Variants in IRX1 observed in about 807,000 individuals in gnomAD.
The protein encoded by IRX1 is iroquois homeobox 1.
Under a neutral mutation model 34.1 loss-of-function variants are expected in IRX1, and 22 were observed. The observed-to-expected ratio is 0.64, with a 90% confidence interval of 0.46 to 0.92. The LOEUF (loss-of-function observed/expected upper bound fraction) is 0.92, where lower values mean the gene tolerates loss of function less well. Ranked by LOEUF, IRX1 falls within the 40% of genes least tolerant of loss-of-function variation. IRX1 has a pLI of 0.00. For missense variants in IRX1, 758 were observed against 680.0 expected (o/e 1.11, Z -1.28); for synonymous variants, 363 against 319.0 (o/e 1.14, Z -1.47).
At chr5:3,596,950 C>G (rs550558834) in intron 1 of IRX1, among the ~76,000 whole-genome samples, 1 of 152,146 alleles carries the variant, frequency 6.6e-6, no homozygotes, top group South Asian at 2.1e-4. Flanking sequence ...AATAGAGGTC[C>G]AAAGGGATGG....
Position 3,596,228 on chromosome 5 carries a change from C to T in IRX1, c.123C>T (p.Gly41=), listed in dbSNP as rs1345038693. The T allele has an allele frequency of 5.3e-6, 6 of 1,133,972 alleles. No homozygotes were observed. Among genetic ancestry groups the T allele is most frequent in the African/African-American group, 1.7e-5 (1 of 60,508 alleles). The allele number at this position is 1,133,972 out of a possible 1,614,324, so 70.2% of individuals were successfully genotyped here. The part of the protein sequence containing the change: ...AAAAAAAASS[G]RPGAAELGGG... ...CGGCGGCTGCCGCCGCCTCGTCGGGCCGACCGGGGGCCGCGGAGCTGGGCG... is the reference window on the plus strand; with the variant it reads ...CGGCGGCTGCCGCCGCCTCGTCGGGTCGACCGGGGGCCGCGGAGCTGGGCG... The change falls in exon 1 of 4, where the codon GGC becomes GGT. Residue 41 remains glycine, a synonymous_variant. Transcript: ENST00000302006.
chr5:3,599,417 A>G lies in IRX1; in HGVS notation c.469A>G (p.Lys157Glu). 6.2e-7 allele frequency: 1 copy of G among 1,613,972 alleles called. No homozygotes were observed. Among genetic ancestry groups the G allele is most frequent in the Non-Finnish European group, 8.5e-7 (1 of 1,180,000 alleles). ...NEHRKNPYPT[K>E]GEKIMLAIIT... ...GCACCGCAAGAATCCCTACCCCACC[A>G]AGGGCGAGAAGATCATGCTGGCCAT... is the stretch of plus-strand genomic sequence containing the variant. The change falls in exon 2 of 4, where the codon AAG becomes GAG. Residue 157 changes from lysine to glutamate, a missense_variant. Transcript: ENST00000302006. The surrounding 1 kb of genome is among the most constrained non-coding windows in gnomAD (Gnocchi z 6.6).
chr5:3,599,543 G>A lies in IRX1; in HGVS notation c.595G>A (p.Asp199Asn). 7 of 1,614,162 alleles carry A rather than the reference G, an allele frequency of 4.3e-6. No homozygotes were observed. Among genetic ancestry groups the A allele is most frequent in the Non-Finnish European group, 5.1e-6 (6 of 1,180,044 alleles). ...GGTGACATGGGGAGCGCGCAGCAAG[G>A]ACCAGGAAGATGGAGCGCTCTTCGG... Reference protein sequence around the residue: ...NKVTWGARSKDQEDGALFGSD... With the variant: ...NKVTWGARSKNQEDGALFGSD... The change falls in exon 2 of 4, where the codon GAC becomes AAC. Residue 199 changes from aspartate to asparagine, a missense_variant. This residue lies in a region of IRX1 where 529 missense variants were observed against 418.8 expected (regional missense o/e 1.26). Coordinates refer to ENST00000302006, the MANE Select transcript of IRX1 (RefSeq NM_024337.4). The surrounding 1 kb of genome is among the most constrained non-coding windows in gnomAD (Gnocchi z 6.6).
In IRX1 at chr5:3,596,336, C is replaced by G; in HGVS notation, c.231C>G (p.Ser77Arg). Residue 77 changes from serine to arginine, a missense_variant, in exon 1 of 4, where the codon AGC becomes AGG. By Grantham distance (110) the Ser-to-Arg change is moderately radical. Around this residue, in one of 3 missense-constraint regions of IRX1, gnomAD observed 195 missense variants for 195.0 expected, o/e 1.00. Transcript: ENST00000302006. Reference sequence around the variant, plus strand: ...CGTACGCGGGCGCGCCCAACTACAGCGCCTTCCTGCCCTACGCCGCGGATC... The same window carrying G: ...CGTACGCGGGCGCGCCCAACTACAGGGCCTTCCTGCCCTACGCCGCGGATC... ...AGPYAGAPNYSAFLPYAADLS... is the reference protein window; with the variant it reads ...AGPYAGAPNYRAFLPYAADLS... 1.3e-6 allele frequency: 2 copies of G among 1,529,360 alleles called. No individual in the cohort carries two copies. The highest frequency in any genetic ancestry group is 1.8e-6 in the Non-Finnish European group (2 of 1,142,794). The allele number at this position is 1,529,360 out of a possible 1,614,324, so 94.7% of individuals were successfully genotyped here. A position where few individuals can be genotyped will look rare whatever the true frequency, so the allele number is the denominator to read the frequency against.
intron 1 of IRX1, among the ~76,000 whole-genome samples, chr5:3,598,207 C>A (rs1733841773): frequency 6.6e-6 from 1 of 152,168 alleles, no homozygotes; most frequent in African/African-American, 2.4e-5. Flanking sequence ...TCTGTCTGCG[C>A]AATTTATGGT....
chr5:3,596,075 G>T lies in IRX1; in HGVS notation c.-31G>T, dbSNP rs1355747484. 3.3e-5 allele frequency: 35 copies of T among 1,056,892 alleles called. No individual in the cohort carries two copies. The highest frequency in any genetic ancestry group is 1.9e-4 in the Admixed American group (4 of 20,952). The allele number at this position is 1,056,892 out of a possible 1,614,324, so 65.5% of individuals were successfully genotyped here. ...CTCCCTCCCCGCGCCTTTAATACTC[G>T]CCCGCTGCGGCGGTCGCCGAGTCCG... On this transcript the variant is annotated 5_prime_UTR_variant, in exon 1 of 4. Transcript: ENST00000302006.
intron 1 of IRX1, 51 bp downstream of exon 1, chr5:3,596,432 G>A: frequency 7.1e-7 from 1 of 1,400,046 alleles, no homozygotes; most frequent in South Asian, 1.6e-5. Context: ...CCGCGCCAGG[G>A]CAAGGGTGGC....
chr5:3,599,993 G>C lies in IRX1; in HGVS notation c.1045G>C (p.Gly349Arg), dbSNP rs754140684. ...CCCCGGCGCGCACGGGCCCTCCGCC[G>C]GGGCGCCGCTGCAACACCCCGCCTT... is the stretch of plus-strand genomic sequence containing the variant. ...GHPGAHGPSA[G>R]APLQHPAFLP... Residue 349 changes from glycine to arginine, a missense_variant, in exon 2 of 4, where the codon GGG (glycine) becomes CGG (arginine). By Grantham distance (125) the Gly-to-Arg change is moderately radical. Coordinates refer to ENST00000302006, the MANE Select transcript of IRX1 (RefSeq NM_024337.4). The surrounding 1 kb of genome is among the most constrained non-coding windows in gnomAD (Gnocchi z 6.6). The C allele has an allele frequency of 2.6e-6, 4 of 1,517,112 alleles. No homozygotes were observed. The highest frequency in any genetic ancestry group is 2.7e-6 in the Non-Finnish European group (3 of 1,127,230). The allele number at this position is 1,517,112 out of a possible 1,614,324, so 94.0% of individuals were successfully genotyped here.
Position 3,600,687 on chromosome 5 carries a change from T to G in IRX1, c.1385+6T>G. 6.2e-7 allele frequency: 1 copy of G among 1,609,836 alleles called. No homozygotes were observed. The highest frequency in any genetic ancestry group is 8.5e-7 in the Non-Finnish European group (1 of 1,177,816). ...TTCCAGCCGGTACGCGACAAGTGAGTGCTGTTTGCTTTTGCTATGGGAGAA... is the reference window on the plus strand; with the variant it reads ...TTCCAGCCGGTACGCGACAAGTGAGGGCTGTTTGCTTTTGCTATGGGAGAA... On this transcript the variant is annotated splice_donor_region_variant and intron_variant, in intron 3 of 3. Coordinates refer to ENST00000302006, the MANE Select transcript of IRX1 (RefSeq NM_024337.4).
At chr5:3,596,514 T>A (rs2111294992) in intron 1 of IRX1, 133 bp downstream of exon 1, 2 of 931,332 alleles carry the variant, frequency 2.1e-6, no homozygotes, top group Admixed American at 9.1e-5. Flanking sequence ...CGGGGGCAGG[T>A]TCCCGGTGGC....
At chr5:3,600,816 C>T in intron 3 of IRX1, 135 bp downstream of exon 3, 1 of 1,153,020 alleles carries the variant, frequency 8.7e-7, no homozygotes, top group Non-Finnish European at 1.3e-6. Context: ...CCCCGCCAGC[C>T]CTGGGCGCCG....
In IRX1 at chr5:3,601,065, G is replaced by A. The variant is rs572724431; in HGVS notation, c.*25G>A. On this transcript the variant is annotated 3_prime_UTR_variant, in exon 4 of 4. Coordinates refer to ENST00000302006, the MANE Select transcript of IRX1 (RefSeq NM_024337.4). ...ATTAAGGGTCTTCTTTTACTTTTGC[G>A]GGGGGGAGGGGGGAGGAGTTGGGGA... The A allele has an allele frequency of 6.5e-6, 10 of 1,539,786 alleles. No homozygotes were observed. The highest frequency in any genetic ancestry group is 1.4e-5 in the African/African-American group (1 of 73,992).
chr5:3,599,458 C>G lies in IRX1; in HGVS notation c.510C>G (p.Thr170=), dbSNP rs770493837. The change falls in exon 2 of 4, where the codon ACC becomes ACG. Residue 170 remains threonine (T), a synonymous_variant. Transcript: ENST00000302006. This position sits in a 1 kb window ranked among gnomAD's most constrained non-coding sequence, Gnocchi z 6.6. Reference sequence around the variant, plus strand: ...TGCTGGCCATCATCACCAAGATGACCCTCACGCAGGTCTCCACCTGGTTCG... The same window carrying G: ...TGCTGGCCATCATCACCAAGATGACGCTCACGCAGGTCTCCACCTGGTTCG... ...KIMLAIITKM[T]LTQVSTWFAN... The G allele has an allele frequency of 5.6e-6, 9 of 1,613,974 alleles. 1 individual carries two copies. The South Asian group carries it at 9.9e-5, about 18-fold the overall frequency.
chr5:3,600,604 C>G lies in IRX1; in HGVS notation c.1313-5C>G, dbSNP rs1362045779. 1 of 1,612,890 alleles carries G rather than the reference C, an allele frequency of 6.2e-7. No individual in the cohort carries two copies. Among genetic ancestry groups the G allele is most frequent in the African/African-American group, 1.3e-5 (1 of 74,924 alleles). Reference sequence around the variant, plus strand: ...CCTAACTCTGCCTCTTCCGATCTCTCGCAGAGAGAGACCTCGTCCCCAGGC... The same window carrying G: ...CCTAACTCTGCCTCTTCCGATCTCTGGCAGAGAGAGACCTCGTCCCCAGGC... On this transcript the variant is annotated splice_polypyrimidine_tract_variant and splice_region_variant and intron_variant, in intron 2 of 3. Transcript: ENST00000302006.
At position 3,600,232 on chromosome 5, in the gene IRX1, C is replaced by A; in HGVS notation, c.1284C>A (p.Ala428=). ...IAPGALNGDK[A]SVRSSPTLPE... is the part of the protein sequence containing the mutation. ...CGGGGGCACTCAATGGAGACAAGGC[C>A]TCGGTCCGCAGCAGCCCCACGCTCC... is the stretch of plus-strand genomic sequence containing the variant. Residue 428 remains alanine (A), a synonymous_variant, in exon 2 of 4, where the codon GCC becomes GCA. Coordinates refer to ENST00000302006, the MANE Select transcript of IRX1 (RefSeq NM_024337.4). 6.2e-7 allele frequency: 1 copy of A among 1,603,712 alleles called. No homozygotes were observed. Among genetic ancestry groups the A allele is most frequent in the Non-Finnish European group, 8.5e-7 (1 of 1,176,668 alleles).
In IRX1 at chr5:3,599,390, G is replaced by A. The variant is rs1039931440; in HGVS notation, c.442G>A (p.Glu148Lys). Residue 148 changes from glutamate (E) to lysine (K), a missense_variant, in exon 2 of 4, where the codon GAG (glutamate) becomes AAG (lysine). This residue lies in a region of IRX1 where 34 missense variants were observed against 66.2 expected (regional missense o/e 0.51). Transcript: ENST00000302006. The surrounding 1 kb of genome is among the most constrained non-coding windows in gnomAD (Gnocchi z 6.6). ...CAGCACGCTCAAGGCCTGGCTCAAC[G>A]AGCACCGCAAGAATCCCTACCCCAC... The part of the protein sequence containing the change: ...STSTLKAWLN[E>K]HRKNPYPTKG... The A allele has an allele frequency of 3.7e-6, 6 of 1,614,046 alleles. No homozygotes were observed. The highest frequency in any genetic ancestry group is 5.1e-6 in the Non-Finnish European group (6 of 1,180,022).
intron 3 of IRX1, 146 bp downstream of exon 3, chr5:3,600,827 G>A (rs1392367680): frequency 7.0e-6 from 8 of 1,138,022 alleles, no homozygotes; most frequent in Middle Eastern, 2.5e-4. Flanking sequence ...CTGGGCGCCG[G>A]GCGAGCCGAG....
In IRX1 at chr5:3,599,646, T is replaced by C. The variant is rs912258107; in HGVS notation, c.698T>C (p.Ile233Thr). Residue 233 changes from isoleucine to threonine, a missense_variant, in exon 2 of 4, where the codon ATC (isoleucine) becomes ACC (threonine). Transcript: ENST00000302006. This position sits in a 1 kb window ranked among gnomAD's most constrained non-coding sequence, Gnocchi z 6.6. Reference sequence around the variant, plus strand: ...CTGGAAAGCATCGACATTGACAAGATCGACGAGCACGATGGCGACCAGAGC... The same window carrying C: ...CTGGAAAGCATCGACATTGACAAGACCGACGAGCACGATGGCGACCAGAGC... Reference protein sequence around the residue: ...IDLESIDIDKIDEHDGDQSNE... With the variant: ...IDLESIDIDKTDEHDGDQSNE... 5.0e-6 allele frequency: 8 copies of C among 1,613,410 alleles called. No individual in the cohort carries two copies. In the Admixed American group the frequency reaches 1.2e-4, roughly 24 times the overall value.
Position 3,599,907 on chromosome 5 carries a change from C to G in IRX1, c.959C>G (p.Ala320Gly). The change falls in exon 2 of 4, where the codon GCG (alanine) becomes GGG (glycine). Residue 320 changes from alanine (A) to glycine (G), a missense_variant. By Grantham distance (60) the Ala-to-Gly change is moderately conservative (BLOSUM62 0). Coordinates refer to ENST00000302006, the MANE Select transcript of IRX1 (RefSeq NM_024337.4). This position sits in a 1 kb window ranked among gnomAD's most constrained non-coding sequence, Gnocchi z 6.6. ...PHGKPKIWSL[A>G]ETATSPDGAP... is the part of the protein sequence containing the mutation. Reference sequence around the variant, plus strand: ...GGCAAGCCCAAGATCTGGTCGCTGGCGGAGACAGCCACGAGCCCCGACGGT... The same window carrying G: ...GGCAAGCCCAAGATCTGGTCGCTGGGGGAGACAGCCACGAGCCCCGACGGT... 6.8e-7 allele frequency: 1 copy of G among 1,473,188 alleles called. No individual in the cohort carries two copies. The highest frequency in any genetic ancestry group is 1.4e-5 in the South Asian group (1 of 72,330). 91.3% of individuals were successfully genotyped at this position (1,473,188 alleles called of 1,614,324 possible). A position where few individuals can be genotyped will look rare whatever the true frequency, so the allele number is the denominator to read the frequency against.
Sources: allele counts gnomAD v4.1 joint callset (sites outside exome capture counted in the v4.1 genomes callset), GRCh38; gene constraint gnomAD v4.1.1; regional missense constraint gnomAD v4.1.1; non-coding constraint Gnocchi (gnomAD v3.1); transcripts MANE v1.5; gene names NCBI Gene and HGNC (gene_info 2026-07-23, HGNC 2026-07-21).